The following CAP2 variants were observed in gnomAD, a reference collection of about 807,000 sequenced individuals.
CAP2 encodes the protein adenylyl cyclase-associated protein 2.
A neutral mutation model predicts 57.7 loss-of-function variants in CAP2; 24 were observed. The ratio of observed to expected loss-of-function variants is 0.42; its 90% confidence interval spans 0.30 to 0.58. The LOEUF (loss-of-function observed/expected upper bound fraction) is 0.58. Ranked by LOEUF, CAP2 falls within the 20% of genes least tolerant of loss-of-function variation. The pLI, the probability that CAP2 is intolerant of heterozygous loss-of-function variation, is 0.22. For synonymous variants in CAP2, 194 were observed against 207.2 expected (o/e 0.94, Z 0.55); for missense variants, 501 against 590.3 (o/e 0.85, Z 1.57).
chr6:17,466,330 T>A (rs1443411155), intron 4 of CAP2, among the ~76,000 whole-genome samples: 1 of 152,154 alleles, frequency 6.6e-6, no homozygotes, highest in Non-Finnish European at 1.5e-5. Flanking sequence ...TTGTCAGAAC[T>A]CAGACTGCTG....
chr6:17,526,024 C>T lies in CAP2; in HGVS notation c.636+12070C>T, dbSNP rs187453269. ...TAGGATTCAAACACATTTGCTAAAT[C>T]CACTGTATTCATTTGTCATCACAAT... On this transcript the variant is annotated intron_variant, in intron 7 of 12. Coordinates refer to ENST00000229922, the MANE Select transcript of CAP2 (RefSeq NM_006366.3). 2.6e-5 allele frequency among the ~76,000 whole-genome samples: 4 copies of T among 152,182 alleles called. No individual in the cohort carries two copies. The East Asian group carries it at 7.7e-4, about 29-fold the overall frequency.
chr6:17,466,147 A>G (rs1760858411), intron 4 of CAP2, among the ~76,000 whole-genome samples: 1 of 152,204 alleles, frequency 6.6e-6, no homozygotes. Context: ...CATCTTAAAG[A>G]TCAGTATCAT....
At chr6:17,423,165 T>C (rs527715873) in intron 2 of CAP2, among the ~76,000 whole-genome samples, 133 of 152,354 alleles carry the variant, frequency 8.7e-4, no homozygotes, top group Non-Finnish European at 1.7e-3. Flanking sequence ...AGGAAAGACC[T>C]ACATTGGTGC....
At chr6:17,405,274 C>T (rs989238157) in intron 1 of CAP2, among the ~76,000 whole-genome samples, 2 of 151,886 alleles carry the variant, frequency 1.3e-5, no homozygotes, top group East Asian at 1.9e-4. Context: ...CCCAGCCACT[C>T]GGGAGGCTGA....
chr6:17,548,760 A>C (rs566665138), intron 11 of CAP2, among the ~76,000 whole-genome samples: 1 of 152,338 alleles, frequency 6.6e-6, no homozygotes, highest in Admixed American at 6.5e-5. Context: ...ATATACAAAA[A>C]CAGATAAATG....
intron 1 of CAP2, among the ~76,000 whole-genome samples, chr6:17,401,132 T>C (rs1758803458): frequency 6.6e-6 from 1 of 152,180 alleles, no homozygotes; most frequent in Non-Finnish European, 1.5e-5. Context: ...TATGTTGAAA[T>C]CCTCACTGCC....
chr6:17,463,166 C>T (rs984027530), intron 4 of CAP2, 93 bp downstream of exon 4: 2 of 863,658 alleles, frequency 2.3e-6, no homozygotes, highest in Non-Finnish European at 3.8e-6. Flanking sequence ...TTATAGTCGA[C>T]CTCCTAAAAA....
At chr6:17,414,916 A>G (rs1051620401) in intron 1 of CAP2, among the ~76,000 whole-genome samples, 3 of 152,062 alleles carry the variant, frequency 2.0e-5, no homozygotes, top group Admixed American at 6.6e-5. Flanking sequence ...ACCAGCATCT[A>G]TTGTTTCCTG....
chr6:17,445,820 T>TG (rs1204961740), intron 3 of CAP2, among the ~76,000 whole-genome samples: 3 of 152,184 alleles, frequency 2.0e-5, no homozygotes, highest in African/African-American at 7.2e-5. Context: ...CCATAGACCA[T>TG]GGGTGGTTGG....
chr6:17,550,347 T>C (rs1425323212), intron 11 of CAP2, among the ~76,000 whole-genome samples: 3 of 151,746 alleles, frequency 2.0e-5, no homozygotes, highest in Non-Finnish European at 4.4e-5. Context: ...GCTGTATTAT[T>C]ATTTGTAGTA....
intron 3 of CAP2, among the ~76,000 whole-genome samples, chr6:17,431,673 G>A (rs1177614572): frequency 2.0e-5 from 3 of 152,112 alleles, no homozygotes; most frequent in African/African-American, 7.2e-5. Flanking sequence ...GACTCACACT[G>A]GCAGATTGTA....
At chr6:17,474,185 CTTTTTTTTTT>C (rs544909381) in intron 4 of CAP2, among the ~76,000 whole-genome samples, 9 of 93,210 alleles carry the variant, frequency 9.7e-5, no homozygotes, top group South Asian at 3.9e-4. Flanking sequence ...AAAAAACAGT[CTTTTTTTTTT>C]TTTTTTTTTT....
At chr6:17,508,645 G>A (rs1762052978) in intron 6 of CAP2, among the ~76,000 whole-genome samples, 1 of 152,130 alleles carries the variant, frequency 6.6e-6, no homozygotes, top group African/African-American at 2.4e-5. Flanking sequence ...AGTGACCATT[G>A]GTCAGCAAAT....
At chr6:17,407,400 GC>G (rs1343856112) in intron 1 of CAP2, among the ~76,000 whole-genome samples, 1 of 151,772 alleles carries the variant, frequency 6.6e-6, no homozygotes, top group African/African-American at 2.4e-5. Flanking sequence ...GACCGCTTGA[GC>G]CCAGGAGCTC....
intron 7 of CAP2, among the ~76,000 whole-genome samples, chr6:17,526,372 C>A (rs1473642265): frequency 6.6e-6 from 1 of 151,988 alleles, no homozygotes; most frequent in Admixed American, 6.6e-5. Context: ...ACCTTCTGTG[C>A]CTCCCAAAGT....
chr6:17,438,306 C>T (rs1214723131), intron 3 of CAP2, among the ~76,000 whole-genome samples: 4 of 150,992 alleles, frequency 2.6e-5, no homozygotes, highest in African/African-American at 9.9e-5. Flanking sequence ...GTGGAGGTTG[C>T]AGTGGGCCGA....
intron 1 of CAP2, among the ~76,000 whole-genome samples, chr6:17,399,273 G>T (rs994082717): frequency 1.8e-4 from 28 of 152,222 alleles, no homozygotes; most frequent in African/African-American, 6.3e-4. Context: ...ATGTTGGCCA[G>T]GCTGGTCTTG....
chr6:17,543,867 G>A (rs1036918280), intron 11 of CAP2, among the ~76,000 whole-genome samples: 4 of 152,112 alleles, frequency 2.6e-5, no homozygotes, highest in African/African-American at 9.7e-5. Flanking sequence ...GCTCACGCCT[G>A]TAATCCCAAC....
At chr6:17,531,319 C>T in intron 7 of CAP2, 1 of 1,132,318 alleles carries the variant, frequency 8.8e-7, no homozygotes, top group Non-Finnish European at 1.3e-6. Context: ...GCTGCAACAC[C>T]TTTCAGACCT....
Sources: gnomAD v4.1 joint callset for allele counts (sites outside exome capture counted in the v4.1 genomes callset) on GRCh38, gnomAD v4.1.1 for gene constraint, MANE v1.5 for transcripts, NCBI Gene and HGNC (gene_info 2026-07-23, HGNC 2026-07-21) for gene names.